Variants in EPHA6 observed in about 807,000 individuals in gnomAD.
The protein encoded by EPHA6 is EPH receptor A6.
EPHA6 carries 50 observed loss-of-function variants against 112.0 expected under a neutral mutation model. The ratio of observed to expected loss-of-function variants is 0.45; its 90% CI spans 0.36 to 0.56. The LOEUF (loss-of-function observed/expected upper bound fraction) is 0.56, where lower values mean the gene tolerates loss of function less well. Ranked by LOEUF, EPHA6 falls within the 20% of genes least tolerant of loss-of-function variation. The probability of loss-of-function intolerance (pLI) is 0.00; values close to 1 mark genes in which losing one functional copy is unlikely to be tolerated. For missense variants in EPHA6, 1,280 were observed against 1,417.4 expected, an observed-to-expected ratio of 0.90 and a Z score of 1.56; for synonymous variants, 529 against 490.7, an observed-to-expected ratio of 1.08 and a Z score of -1.03.
chr3:97,612,036 T>C (rs34799737), intron 13 of EPHA6, among the ~76,000 whole-genome samples: 3,626 of 152,158 alleles, frequency 0.024, 71 homozygotes, highest in Non-Finnish European at 0.037. Context: ...TCGTGCAGTG[T>C]ATACTCTCAA....
intron 14 of EPHA6, among the ~76,000 whole-genome samples, chr3:97,641,518 C>T (rs1400795979): frequency 1.3e-5 from 2 of 152,174 alleles, no homozygotes; most frequent in Non-Finnish European, 2.9e-5. Context: ...TCTGCATTTC[C>T]ATCTGAGGTA....
At chr3:97,185,452 G>C (rs1259350867) in intron 3 of EPHA6, among the ~76,000 whole-genome samples, 1 of 152,016 alleles carries the variant, frequency 6.6e-6, no homozygotes, top group East Asian at 1.9e-4. Context: ...GCAGCCAACA[G>C]ATGCATGAAA....
chr3:97,704,368 A>G (rs2033563264), intron 14 of EPHA6, among the ~76,000 whole-genome samples: 1 of 152,200 alleles, frequency 6.6e-6, no homozygotes, highest in African/African-American at 2.4e-5. Flanking sequence ...AAGGCAGAGG[A>G]ACGGTGAATT....
intron 3 of EPHA6, among the ~76,000 whole-genome samples, chr3:97,193,091 C>A (rs960673902): frequency 1.3e-4 from 20 of 151,972 alleles, no homozygotes; most frequent in Non-Finnish European, 1.5e-4. Flanking sequence ...CAGTTTTATT[C>A]TTTTTGCTCA....
intron 1 of EPHA6, among the ~76,000 whole-genome samples, chr3:96,821,652 T>C (rs529237125): frequency 7.2e-5 from 11 of 151,976 alleles, no homozygotes; most frequent in Admixed American, 2.6e-4. Context: ...AAATTTGTTT[T>C]CTCAAAATCA....
intron 14 of EPHA6, among the ~76,000 whole-genome samples, chr3:97,710,160 A>T (rs1181011929): frequency 1.3e-5 from 2 of 152,172 alleles, no homozygotes; most frequent in Non-Finnish European, 2.9e-5. Flanking sequence ...TGAGCCCTTC[A>T]GCCCCATCCT....
chr3:97,623,872 C>G (rs1281717663), intron 13 of EPHA6, among the ~76,000 whole-genome samples: 1 of 151,606 alleles, frequency 6.6e-6, no homozygotes, highest in Admixed American at 6.6e-5. Flanking sequence ...ATATGTGTGT[C>G]TTTATGCAAA....
At chr3:97,092,144 C>A (rs139601065) in intron 3 of EPHA6, among the ~76,000 whole-genome samples, 1 of 150,328 alleles carries the variant, frequency 6.7e-6, no homozygotes, top group African/African-American at 2.4e-5. Context: ...CATGTAACAA[C>A]GTAAACAAAA....
At chr3:97,422,298 A>T (rs2088723917) in intron 6 of EPHA6, among the ~76,000 whole-genome samples, 1 of 152,164 alleles carries the variant, frequency 6.6e-6, no homozygotes, top group Admixed American at 6.5e-5. Context: ...GAAAAAGAAC[A>T]ACAAGCCAAT....
intron 5 of EPHA6, among the ~76,000 whole-genome samples, chr3:97,352,795 C>T (rs1423844366): frequency 6.6e-6 from 1 of 152,074 alleles, no homozygotes; most frequent in African/African-American, 2.4e-5. Flanking sequence ...GCACATGACA[C>T]CAGCCAGGGT....
At chr3:97,278,610 C>A (rs991161655) in intron 5 of EPHA6, among the ~76,000 whole-genome samples, 5 of 152,144 alleles carry the variant, frequency 3.3e-5, no homozygotes, top group African/African-American at 1.2e-4. Flanking sequence ...CTATTTCAAC[C>A]ACTCAGTATA....
intron 5 of EPHA6, among the ~76,000 whole-genome samples, chr3:97,260,704 C>T (rs1559834975): frequency 6.6e-6 from 1 of 152,192 alleles, no homozygotes; most frequent in Non-Finnish European, 1.5e-5. Flanking sequence ...GTTGTCTTCC[C>T]ACAGCAACAT....
chr3:97,499,204 TTTAA>T (rs970072539), intron 10 of EPHA6, among the ~76,000 whole-genome samples: 1 of 151,434 alleles, frequency 6.6e-6, no homozygotes, highest in South Asian at 2.1e-4. Flanking sequence ...GATTCTGTTT[TTTAA>T]TTATGAATTA....
intron 3 of EPHA6, among the ~76,000 whole-genome samples, chr3:97,164,422 T>C (rs2076489521): frequency 6.6e-6 from 1 of 152,150 alleles, no homozygotes; most frequent in African/African-American, 2.4e-5. Flanking sequence ...ATTTTATTTC[T>C]TACGTGTTTT....
At chr3:97,678,011 C>G (rs2031545772) in intron 14 of EPHA6, among the ~76,000 whole-genome samples, 1 of 152,148 alleles carries the variant, frequency 6.6e-6, no homozygotes, top group Non-Finnish European at 1.5e-5. Flanking sequence ...GTTATTTACT[C>G]TTAGGGACTG....
intron 4 of EPHA6, among the ~76,000 whole-genome samples, chr3:97,230,220 A>G (rs1196655848): frequency 1.3e-5 from 2 of 152,148 alleles, no homozygotes; most frequent in African/African-American, 4.8e-5. Flanking sequence ...TGAGGAAATA[A>G]GTTCCCATCA....
chr3:96,901,588 A>G (rs1446393217), intron 2 of EPHA6, among the ~76,000 whole-genome samples: 1 of 152,144 alleles, frequency 6.6e-6, no homozygotes, highest in Non-Finnish European at 1.5e-5. Flanking sequence ...AAATTACATA[A>G]TGTATAACAT....
intron 13 of EPHA6, chr3:97,612,261 A>C: frequency 3.7e-6 from 1 of 267,520 alleles, no homozygotes; most frequent in South Asian, 4.0e-5. Context: ...ATGTCCTTCC[A>C]TTATGTTTCT....
At chr3:96,954,014 A>G (rs1355303374) in intron 2 of EPHA6, among the ~76,000 whole-genome samples, 1 of 152,066 alleles carries the variant, frequency 6.6e-6, no homozygotes, top group Non-Finnish European at 1.5e-5. Context: ...CTGGGACTAC[A>G]GGCATGTGCC....
Sources: gnomAD v4.1 joint callset for allele counts (sites outside exome capture counted in the v4.1 genomes callset) on GRCh38, gnomAD v4.1.1 for gene constraint, MANE v1.5 for transcripts, NCBI Gene and HGNC (gene_info 2026-07-23, HGNC 2026-07-21) for gene names.